ZNF19: variants seen among roughly 807,000 people sequenced by gnomAD.
ZNF19 encodes the protein zinc finger protein 19.
In ZNF19, 11 loss-of-function variants were observed where a neutral mutation model predicts 13.1. The observed-to-expected ratio is 0.84, with a 90% CI of 0.53 to 1.39. The LOEUF (loss-of-function observed/expected upper bound fraction) is 1.39. Among genes scored for constraint, ZNF19 ranks in the 40% most tolerant of loss-of-function variants. ZNF19 has a pLI of 0.00. For missense variants in ZNF19, 560 were observed against 547.0 expected, an observed-to-expected ratio of 1.02 and a Z score of -0.24; for synonymous variants, 186 against 187.0, an observed-to-expected ratio of 0.99 and a Z score of 0.04.
rs2043596113 is a variant in ZNF19, at chr16:71,475,640, A to G, written c.907T>C (p.Cys303Arg). ...KIHTGEKPYE[C>R]NECGKSFGRT... ...CCAAAGCTTTTGCCACACTCATTAC[A>G]CTCATAGGGTTTCTCTCCAGTGTGG... The change falls in exon 6 of 6, where the codon TGT becomes CGT. Residue 303 changes from cysteine (C) to arginine (R), a missense_variant. By Grantham distance (180) the Cys-to-Arg change is radical. Coordinates refer to ENST00000288177, the MANE Select transcript of ZNF19 (RefSeq NM_006961.4). 6.2e-7 allele frequency: 1 copy of G among 1,614,110 alleles called. No homozygotes were observed. The highest frequency in any genetic ancestry group is 8.5e-7 in the Non-Finnish European group (1 of 1,180,030).
chr16:71,476,358 A>T (rs1567569463), intron 5 of ZNF19, 86 bp from the exon 6 acceptor site: 1 of 1,404,040 alleles, frequency 7.1e-7, no homozygotes, highest in Non-Finnish European at 9.4e-7. Context: ...AAGGCTTTAA[A>T]AGAGATCATT....
Position 71,476,047 on chromosome 16 carries a change from C to T in ZNF19, c.500G>A (p.Gly167Glu), listed in dbSNP as rs149111762. 4.3e-4 allele frequency: 699 copies of T among 1,614,030 alleles called. 1 individual carries two copies. Among genetic ancestry groups the T allele is most frequent in the Non-Finnish European group, 5.7e-4 (668 of 1,179,998 alleles). Residue 167 changes from glycine (G) to glutamate (E), a missense_variant, in exon 6 of 6, where the codon GGG becomes GAG. Coordinates refer to ENST00000288177, the MANE Select transcript of ZNF19 (RefSeq NM_006961.4). ...ARKPFICEEC[G>E]KSFSYFSYYA... ...GTAAGAAAAGTAGCTGAAGGATTTC[C>T]CACACTCCTCACATATGAAAGGTTT...
chr16:71,478,247 C>T lies in ZNF19; in HGVS notation c.255G>A (p.Arg85=). The change falls in exon 5 of 6, where the codon AGG becomes AGA. Residue 85 remains arginine, a synonymous_variant. Transcript: ENST00000288177. ...ACCTACCTTTACAGACGTTTTTGGTCCTCTCTGCTGGGGGATCATCCTGTG... is the reference window on the plus strand; with the variant it reads ...ACCTACCTTTACAGACGTTTTTGGTTCTCTCTGCTGGGGGATCATCCTGTG... ...LEAQDDPPAE[R]TKNVCKDVET... The T allele has an allele frequency of 6.2e-7, 1 of 1,613,848 alleles. No homozygotes were observed. The highest frequency in any genetic ancestry group is 8.5e-7 in the Non-Finnish European group (1 of 1,179,912).
In ZNF19 at chr16:71,476,083, G is replaced by C; in HGVS notation, c.464C>G (p.Pro155Arg). Reference sequence around the variant, plus strand: ...ACATATGAAAGGTTTCCTTGCACAGGGGATTCTTGGAACCTTTCCTTGGAT... The same window carrying C: ...ACATATGAAAGGTTTCCTTGCACAGCGGATTCTTGGAACCTTTCCTTGGAT... The part of the protein sequence containing the change: ...KNIQGKVPRI[P>R]CARKPFICEE... The change falls in exon 6 of 6, where the codon CCC (proline) becomes CGC (arginine). Residue 155 changes from proline to arginine, a missense_variant. Transcript: ENST00000288177. 1 of 1,614,140 alleles carries C rather than the reference G, an allele frequency of 6.2e-7. No homozygotes were observed. The highest frequency in any genetic ancestry group is 8.5e-7 in the Non-Finnish European group (1 of 1,180,018).
At position 71,475,914 on chromosome 16, in the gene ZNF19, G is replaced by A; in HGVS notation, c.633C>T (p.His211=). ...NSSLIRHQRI[H]TGERPYQCEE... is the part of the protein sequence containing the mutation. ...CACACTGATAGGGTCTCTCTCCAGT[G>A]TGAATCCTCTGGTGCCGAATTAACG... The change falls in exon 6 of 6, where the codon CAC becomes CAT. Residue 211 remains histidine, a synonymous_variant. Transcript: ENST00000288177. 1.2e-6 allele frequency: 2 copies of A among 1,613,594 alleles called. No individual in the cohort carries two copies. The highest frequency in any genetic ancestry group is 1.7e-6 in the Non-Finnish European group (2 of 1,179,748).
Position 71,478,341 on chromosome 16 carries a change from C to G in ZNF19, c.161G>C (p.Gly54Ala). 1 of 1,609,916 alleles carries G rather than the reference C, an allele frequency of 6.2e-7. No homozygotes were observed. The highest frequency in any genetic ancestry group is 8.5e-7 in the Non-Finnish European group (1 of 1,176,646). ...LENFGNLTAL[G>A]YPVPKPALIS... ...CAGTGCAGGTTTGGGAACTGGGTAC[C>G]CTGAAAACAGGAAGAAAATGGTACT... The change falls in exon 5 of 6, where the codon GGG becomes GCG. Residue 54 changes from glycine (G) to alanine (A), a missense_variant and splice_region_variant. Transcript: ENST00000288177.
chr16:71,488,370 A>G (rs2043694922), intron 1 of ZNF19, among the ~76,000 whole-genome samples: 2 of 150,548 alleles, frequency 1.3e-5, no homozygotes, highest in Admixed American at 6.7e-5. Flanking sequence ...AAAAAAAAAA[A>G]AAAGAAAAAG....
chr16:71,473,936 A>C lies in ZNF19; in HGVS notation c.*1234T>G, dbSNP rs1038547883. On this transcript the variant is annotated 3_prime_UTR_variant, in exon 6 of 6. Transcript: ENST00000288177. ...ACTTCAATTAAAAGGTGTTTACTCA[A>C]TTCCCCAAGTCTATCATTCATTGGT... The C allele has an allele frequency of 1.3e-5, 2 of 152,210 alleles. No homozygotes were observed. The highest frequency in any genetic ancestry group is 4.8e-5 in the African/African-American group (2 of 41,464). 9.4% of individuals were successfully genotyped at this position (152,210 alleles called of 1,614,324 possible).
intron 1 of ZNF19, among the ~76,000 whole-genome samples, chr16:71,488,430 T>C (rs1212494819): frequency 6.6e-6 from 1 of 151,052 alleles, no homozygotes. Flanking sequence ...AGAACAAAAC[T>C]GTTACTATCT....
chr16:71,478,091 T>C (rs916430387), intron 5 of ZNF19, 137 bp downstream of exon 5: 69 of 629,132 alleles, frequency 1.1e-4, no homozygotes, highest in Non-Finnish European at 6.0e-5. Context: ...AGAGTTAAGA[T>C]TGGTGAGAAA....
intron 3 of ZNF19, 98 bp from the exon 4 acceptor site, chr16:71,479,103 G>A (rs1270258052): frequency 1.2e-5 from 19 of 1,524,288 alleles, no homozygotes; most frequent in East Asian, 2.3e-5. Context: ...GGAAAGTCCT[G>A]TGAGGGATAG....
At chr16:71,480,524 A>G (rs939719173) in intron 3 of ZNF19, among the ~76,000 whole-genome samples, 1 of 152,220 alleles carries the variant, frequency 6.6e-6, no homozygotes. Context: ...CTGACAGTTA[A>G]TACTCAAGTC....
intron 5 of ZNF19, among the ~76,000 whole-genome samples, chr16:71,477,257 A>C (rs562206365): frequency 2.4e-4 from 36 of 152,360 alleles, no homozygotes; most frequent in African/African-American, 7.9e-4. Flanking sequence ...AGATTGAAGT[A>C]AACAAGGTAA....
chr16:71,487,291 C>G (rs533349422), intron 1 of ZNF19: 2 of 152,224 alleles, frequency 1.3e-5, no homozygotes, highest in East Asian at 1.9e-4. Flanking sequence ...AAGTGTGTTG[C>G]GCTTCCTCCT....
chr16:71,478,815 C>A, intron 4 of ZNF19, 64 bp downstream of exon 4: 1 of 1,582,678 alleles, frequency 6.3e-7, no homozygotes, highest in Non-Finnish European at 8.6e-7. Context: ...TCCCCCCAGG[C>A]TGTAAAAGAA....
chr16:71,485,447 T>A, intron 1 of ZNF19, among the ~76,000 whole-genome samples: 2 of 101,892 alleles, frequency 2.0e-5, no homozygotes, highest in South Asian at 3.0e-4. Flanking sequence ...CAAAACTCCA[T>A]CTCAAAAAAA....
intron 1 of ZNF19, among the ~76,000 whole-genome samples, chr16:71,488,357 CAAAAAA>C (rs1204906609): frequency 3.1e-5 from 2 of 65,388 alleles, no homozygotes; most frequent in African/African-American, 4.3e-5. Flanking sequence ...GAGACTATCT[CAAAAAA>C]AAAAAAAAAA....
At chr16:71,486,290 G>A (rs1302891504) in intron 1 of ZNF19, among the ~76,000 whole-genome samples, 2 of 152,106 alleles carry the variant, frequency 1.3e-5, no homozygotes, top group African/African-American at 4.8e-5. Context: ...GAGCCTGGGA[G>A]GTCAAGGCTG....
intron 4 of ZNF19, 77 bp from the exon 5 acceptor site, chr16:71,478,418 G>T: frequency 9.8e-7 from 1 of 1,020,470 alleles, no homozygotes. Flanking sequence ...AGGAGTCTCA[G>T]TAAGAATAAG....
Sources: gnomAD v4.1 joint callset for allele counts (sites outside exome capture counted in the v4.1 genomes callset) on GRCh38, gnomAD v4.1.1 for gene constraint, MANE v1.5 for transcripts, NCBI Gene and HGNC (gene_info 2026-07-23, HGNC 2026-07-21) for gene names.